Variants in REEP1 observed in about 807,000 individuals in gnomAD.
REEP1 encodes receptor expression-enhancing protein 1.
A neutral mutation model predicts 40.3 loss-of-function variants in REEP1; 22 were observed. That is an observed-to-expected ratio of 0.55 (90% CI 0.39 to 0.78). The LOEUF is 0.78. REEP1 is among the 30% of genes least tolerant of loss of function. The pLI is 0.00. For synonymous variants in REEP1, 116 were observed against 139.2 expected (o/e 0.83, Z 1.17); for missense variants, 280 against 361.1 (o/e 0.78, Z 1.82).
chr2:86,239,417 T>C (rs1675549006), intron 5 of REEP1, among the ~76,000 whole-genome samples: 2 of 152,028 alleles, frequency 1.3e-5, no homozygotes, highest in Non-Finnish European at 2.9e-5. Context: ...TGACACAATA[T>C]CTAATGCCTG....
intron 1 of REEP1, among the ~76,000 whole-genome samples, chr2:86,313,230 C>T (rs1301264680): frequency 2.0e-5 from 3 of 151,968 alleles, no homozygotes; most frequent in Admixed American, 6.5e-5. Context: ...CCGCCTCAGG[C>T]TCCCTACACC....
chr2:86,257,193 A>G (rs1043541411), intron 3 of REEP1, among the ~76,000 whole-genome samples: 2 of 152,204 alleles, frequency 1.3e-5, no homozygotes, highest in African/African-American at 4.8e-5. Flanking sequence ...GAAAACAAGT[A>G]TTCACCAGCC....
In REEP1 at chr2:86,231,536, A is replaced by C. The variant is rs117744538; in HGVS notation, c.595+1089T>G. 5.6e-3 allele frequency among the ~76,000 whole-genome samples: 859 copies of C among 152,324 alleles called. 18 individuals are homozygous for C. In the East Asian group the frequency reaches 0.074, roughly 13 times the overall value. ...GGCATCAGATGGGGTCTGTCAGGAC[A>C]TGGGGCTTATGGCCAAGGTGTCCCC... On this transcript the variant is annotated intron_variant, in intron 6 of 8. Transcript: ENST00000538924.
intron 6 of REEP1, among the ~76,000 whole-genome samples, chr2:86,228,410 T>C (rs969778519): frequency 6.6e-6 from 1 of 151,846 alleles, no homozygotes; most frequent in Non-Finnish European, 1.5e-5. Context: ...ATGTCCCTTC[T>C]TGGCTCACAG....
intron 2 of REEP1, among the ~76,000 whole-genome samples, chr2:86,277,660 G>A: frequency 6.6e-6 from 1 of 152,086 alleles, no homozygotes; most frequent in East Asian, 1.9e-4. Flanking sequence ...CCCATCACAG[G>A]ATGAGGAACA....
chr2:86,215,041 T>C lies in REEP1; in HGVS notation c.*1998A>G, dbSNP rs1482141282. 4.3e-4 allele frequency: 65 copies of C among 150,312 alleles called. No homozygotes were observed. Among genetic ancestry groups the C allele is most frequent in the Non-Finnish European group, 9.2e-4 (62 of 67,586 alleles). The allele number at this position is 150,312 out of a possible 1,614,324, so 9.3% of individuals were successfully genotyped here. A position where few individuals can be genotyped will look rare whatever the true frequency, so the allele number is the denominator to read the frequency against. On this transcript the variant is annotated 3_prime_UTR_variant, in exon 9 of 9. Coordinates refer to ENST00000538924, the MANE Select transcript of REEP1 (RefSeq NM_001371279.1). The stretch of plus-strand genomic sequence containing the variant: ...GTGTAAGCTTTTTTTTTTTTTTTTT[T>C]TTTTTGCATTCGTTTCTGATAATTC...
intron 1 of REEP1, among the ~76,000 whole-genome samples, chr2:86,329,398 G>A (rs549019876): frequency 1.3e-5 from 2 of 152,292 alleles, no homozygotes; most frequent in South Asian, 4.2e-4. Context: ...CCTGCCTCCT[G>A]TCCATATCAA....
chr2:86,246,712 T>TTA (rs1364538847), intron 5 of REEP1, among the ~76,000 whole-genome samples: 3 of 151,362 alleles, frequency 2.0e-5, no homozygotes, highest in Non-Finnish European at 4.4e-5. Flanking sequence ...TTTTTTCTTT[T>TTA]TTTTTTTTGA....
chr2:86,292,955 C>T (rs949334220), intron 1 of REEP1, among the ~76,000 whole-genome samples: 1 of 152,208 alleles, frequency 6.6e-6, no homozygotes, highest in Non-Finnish European at 1.5e-5. Context: ...CAGGACAAAC[C>T]TTTACTAATG....
chr2:86,317,532 T>C (rs1312022882), intron 1 of REEP1, among the ~76,000 whole-genome samples: 1 of 152,220 alleles, frequency 6.6e-6, no homozygotes, highest in Non-Finnish European at 1.5e-5. Context: ...GCCTTTTCGC[T>C]GTGTTGAATT....
At chr2:86,242,819 A>T (rs960057419) in intron 5 of REEP1, among the ~76,000 whole-genome samples, 4 of 152,152 alleles carry the variant, frequency 2.6e-5, no homozygotes, top group African/African-American at 9.7e-5. Context: ...GCTAGAAGGA[A>T]GGGTGTGGAG....
At chr2:86,220,255 G>A in intron 7 of REEP1, 134 bp from the exon 8 acceptor site, 1 of 475,044 alleles carries the variant, frequency 2.1e-6, no homozygotes, top group Non-Finnish European at 3.4e-6. Flanking sequence ...AGGCCCCTCG[G>A]TCTGAGGAAG....
At chr2:86,243,128 G>A (rs893659672) in intron 5 of REEP1, among the ~76,000 whole-genome samples, 7 of 152,078 alleles carry the variant, frequency 4.6e-5, no homozygotes. Context: ...GGAAGGTGAG[G>A]GACAGGATGA....
chr2:86,218,169 G>A (rs899498201), intron 8 of REEP1, among the ~76,000 whole-genome samples: 7 of 152,032 alleles, frequency 4.6e-5, no homozygotes, highest in East Asian at 1.9e-4. Context: ...AAGGTTTCCC[G>A]GAGCCCCTCC....
intron 2 of REEP1, among the ~76,000 whole-genome samples, chr2:86,279,610 T>C (rs1677949188): frequency 6.6e-6 from 1 of 152,228 alleles, no homozygotes; most frequent in Non-Finnish European, 1.5e-5. Context: ...GGGCCCCATG[T>C]AATCACATGA....
intron 5 of REEP1, among the ~76,000 whole-genome samples, chr2:86,238,904 G>T (rs1170282485): frequency 6.6e-6 from 1 of 152,034 alleles, no homozygotes; most frequent in Non-Finnish European, 1.5e-5. Flanking sequence ...AAGGGGATGG[G>T]GGTCCACTTA....
chr2:86,215,023 C>CTTTTTTTTTTTTTTTTTTTTTTT lies in REEP1; in HGVS notation c.*1993_*2015dup, dbSNP rs11350708. The CTTTTTTTTTTTTTTTTTTTTTTT allele has an allele frequency of 1.5e-4, 9 of 59,570 alleles. No homozygotes were observed. Among genetic ancestry groups the CTTTTTTTTTTTTTTTTTTTTTTT allele is most frequent in the South Asian group, 9.6e-4 (1 of 1,040 alleles). 3.7% of individuals were successfully genotyped at this position (59,570 alleles called of 1,614,324 possible). ...AAAAATTGCTAAGAAGCTGTGTAAG[C>CTTTTTTTTTTTTTTTTTTTTTTT]TTTTTTTTTTTTTTTTTTTTTTTGC... is the stretch of plus-strand genomic sequence containing the variant. On this transcript the variant is annotated 3_prime_UTR_variant, in exon 9 of 9. Transcript: ENST00000538924.
chr2:86,251,506 G>A (rs17027099), intron 5 of REEP1: 6,416 of 215,962 alleles, frequency 0.03, 441 homozygotes, highest in African/African-American at 0.14. Context: ...GAGTCCACCC[G>A]CTTGCTCAGG....
chr2:86,334,259 C>A (rs531877205), intron 1 of REEP1, among the ~76,000 whole-genome samples: 1 of 152,290 alleles, frequency 6.6e-6, no homozygotes, highest in South Asian at 2.1e-4. Flanking sequence ...TACCTCTGGT[C>A]GGATGGTTGG....
Sources: allele counts gnomAD v4.1 joint callset (sites outside exome capture counted in the v4.1 genomes callset), GRCh38; gene constraint gnomAD v4.1.1; transcripts MANE v1.5; gene names NCBI Gene and HGNC (gene_info 2026-07-23, HGNC 2026-07-21).